The following RBP3 variants were observed in gnomAD, a reference collection of about 807,000 sequenced individuals.
RBP3 encodes retinol-binding protein 3.
A neutral mutation model predicts 64.8 loss-of-function variants in RBP3; 50 were observed. The observed-to-expected ratio is 0.77, with a 90% CI of 0.61 to 0.98. The LOEUF (loss-of-function observed/expected upper bound fraction) is 0.98, where lower values mean the gene tolerates loss of function less well. RBP3 is among the 50% of genes least tolerant of loss of function. The pLI is 0.00. For missense variants in RBP3, 1,712 were observed against 1,660.5 expected (o/e 1.03, Z -0.54); for synonymous variants, 828 against 730.2 (o/e 1.13, Z -2.16).
Position 47,348,748 on chromosome 10 carries a change from C to A in RBP3, c.264C>A (p.Val88=), listed in dbSNP as rs1836894429. The stretch of plus-strand genomic sequence containing the variant: ...GCTCCCTGAACGATCCTCGCCTGGT[C>A]ATCTCCTATGAGCCCAGCACCCCCG... The part of the protein sequence containing the change: ...VQSSLNDPRL[V]ISYEPSTPEP... The change falls in exon 1 of 4, where the codon GTC becomes GTA. Residue 88 remains valine, a synonymous_variant. Coordinates refer to ENST00000584701, the MANE Select transcript of RBP3 (RefSeq NM_002900.3). The A allele has an allele frequency of 6.2e-7, 1 of 1,613,534 alleles. No homozygotes were observed. The highest frequency in any genetic ancestry group is 8.5e-7 in the Non-Finnish European group (1 of 1,180,040).
In RBP3 at chr10:47,349,826, G is replaced by C. The variant is rs1322328055; in HGVS notation, c.1342G>C (p.Ala448Pro). Reference protein sequence around the residue: ...NVGYLRFDSFADASVLGVLAP... With the variant: ...NVGYLRFDSFPDASVLGVLAP... Reference sequence around the variant, plus strand: ...GGGCTACCTGCGCTTCGATAGTTTTGCTGACGCCTCCGTCCTGGGTGTGTT... The same window carrying C: ...GGGCTACCTGCGCTTCGATAGTTTTCCTGACGCCTCCGTCCTGGGTGTGTT... The change falls in exon 1 of 4, where the codon GCT (alanine) becomes CCT (proline). Residue 448 changes from alanine to proline, a missense_variant. Transcript: ENST00000584701. 1.9e-6 allele frequency: 3 copies of C among 1,613,136 alleles called. No individual in the cohort carries two copies. The highest frequency in any genetic ancestry group is 2.2e-5 in the South Asian group (2 of 91,092).
chr10:47,354,739 C>G, intron 2 of RBP3, among the ~76,000 whole-genome samples: 1 of 152,214 alleles, frequency 6.6e-6, no homozygotes, highest in East Asian at 1.9e-4. Context: ...GCCCCGAACC[C>G]AGCCAGGCCA....
In RBP3 at chr10:47,350,705, G is replaced by C. The variant is rs143110000; in HGVS notation, c.2221G>C (p.Gly741Arg). ...CCTGTTCAAGACAGAGGTGCTGCCC[G>C]GCCAGCTGGGCTACCTGCGTTTTGA... ...EALFKTEVLP[G>R]QLGYLRFDAM... The change falls in exon 1 of 4, where the codon GGC becomes CGC. Residue 741 changes from glycine to arginine, a missense_variant. Coordinates refer to ENST00000584701, the MANE Select transcript of RBP3 (RefSeq NM_002900.3). 3.4e-5 allele frequency: 55 copies of C among 1,613,058 alleles called. No homozygotes were observed. In the African/African-American group the frequency reaches 5.5e-4, roughly 16 times the overall value.
At chr10:47,353,177 C>A in intron 1 of RBP3, 148 bp from the exon 2 acceptor site, 2 of 710,162 alleles carry the variant, frequency 2.8e-6, no homozygotes. Flanking sequence ...TCCAGACATG[C>A]CACTGGGAAA....
rs1202037718 is a variant in RBP3, at chr10:47,357,344, G to T, written c.3631G>T (p.Val1211Leu). 7 of 1,614,008 alleles carry T rather than the reference G, an allele frequency of 4.3e-6. No individual in the cohort carries two copies. Among genetic ancestry groups the T allele is most frequent in the Admixed American group, 3.3e-5 (2 of 60,002 alleles). The change falls in exon 4 of 4, where the codon GTG (valine) becomes TTG (leucine). Residue 1211 changes from valine to leucine, a missense_variant. By Grantham distance (32) the Val-to-Leu change is conservative. Transcript: ENST00000584701. ...TGGCAGCTCCTGGGAAGGGGTGGGG[G>T]TGACACCCCATGTGGTTGTCCCTGC... ...SDGSSWEGVG[V>L]TPHVVVPAEE...
rs1410892562 is a variant in RBP3, at chr10:47,357,568, T to C, written c.*111T>C. On this transcript the variant is annotated 3_prime_UTR_variant, in exon 4 of 4. Coordinates refer to ENST00000584701, the MANE Select transcript of RBP3 (RefSeq NM_002900.3). ...GGTTCCCAGGAGCAGCAAAGGGGCC[T>C]GCTGAGCTCTGGTTAGGTTACAGCT... is the stretch of plus-strand genomic sequence containing the variant. 5.9e-6 allele frequency: 5 copies of C among 853,712 alleles called. No homozygotes were observed. Among genetic ancestry groups the C allele is most frequent in the African/African-American group, 5.1e-5 (3 of 59,164 alleles). The allele number at this position is 853,712 out of a possible 1,614,324, so 52.9% of individuals were successfully genotyped here.
In RBP3 at chr10:47,349,635, G is replaced by C. The variant is rs540247058; in HGVS notation, c.1151G>C (p.Arg384Thr). The C allele has an allele frequency of 6.2e-7, 1 of 1,612,554 alleles. No homozygotes were observed. The highest frequency in any genetic ancestry group is 8.5e-7 in the Non-Finnish European group (1 of 1,180,004). ...CTGCAGGCTGCGTCTGAGGATCCCAGGCTCCTGGTGCGAGCCATCGGGCCC... is the reference window on the plus strand; with the variant it reads ...CTGCAGGCTGCGTCTGAGGATCCCACGCTCCTGGTGCGAGCCATCGGGCCC... The part of the protein sequence containing the change: ...AGLQAASEDP[R>T]LLVRAIGPTE... The change falls in exon 1 of 4, where the codon AGG becomes ACG. Residue 384 changes from arginine (R) to threonine (T), a missense_variant. Transcript: ENST00000584701.
At chr10:47,355,663 G>A (rs1017679769) in intron 3 of RBP3, 145 bp downstream of exon 3, 13 of 1,051,932 alleles carry the variant, frequency 1.2e-5, no homozygotes, top group Middle Eastern at 5.0e-4. Context: ...GCATGATCTC[G>A]AATCCCTGAA....
At position 47,355,506 on chromosome 10, in the gene RBP3, G is replaced by A. The variant is rs144751738; in HGVS notation, c.3376G>A (p.Ala1126Thr). The change falls in exon 3 of 4, where the codon GCC (alanine) becomes ACC (threonine). Residue 1126 changes from alanine to threonine, a missense_variant. By Grantham distance (58) the Ala-to-Thr change is moderately conservative. Transcript: ENST00000584701. ...CTCTGTCAGTGAACTCTGGACACAC[G>A]CCCAGGTTGTAGGTACGTGGAGAAG... The part of the protein sequence containing the change: ...DDSVSELWTH[A>T]QVVGERYGSK... The A allele has an allele frequency of 3.3e-4, 531 of 1,614,044 alleles. No homozygotes were observed. Among genetic ancestry groups the A allele is most frequent in the Non-Finnish European group, 3.9e-4 (466 of 1,180,046 alleles).
rs976101975 is a variant in RBP3, at chr10:47,349,898, G to A, written c.1414G>A (p.Glu472Lys). ...RQVWEPLQDT[E>K]HLIMDLRHNP... ...GGTGTGGGAGCCGCTACAGGACACG[G>A]AGCACCTCATCATGGACCTGCGCCA... The change falls in exon 1 of 4, where the codon GAG (glutamate) becomes AAG (lysine). Residue 472 changes from glutamate to lysine, a missense_variant. Glu to Lys is a moderately conservative substitution (Grantham distance 56, BLOSUM62 1). Coordinates refer to ENST00000584701, the MANE Select transcript of RBP3 (RefSeq NM_002900.3). 6.2e-7 allele frequency: 1 copy of A among 1,613,154 alleles called. No individual in the cohort carries two copies. The highest frequency in any genetic ancestry group is 8.5e-7 in the Non-Finnish European group (1 of 1,179,966).
chr10:47,350,645 C>T lies in RBP3; in HGVS notation c.2161C>T (p.Pro721Ser). Residue 721 changes from proline to serine, a missense_variant, in exon 1 of 4, where the codon CCC becomes TCC. Coordinates refer to ENST00000584701, the MANE Select transcript of RBP3 (RefSeq NM_002900.3). ...EEAPPPPPAV[P>S]SPEELTYLIE... ...AGCACCCCCACCACCCCCTGCTGTC[C>T]CCTCTCCAGAGGAGCTCACCTACCT... 1 of 1,612,892 alleles carries T rather than the reference C, an allele frequency of 6.2e-7. No individual in the cohort carries two copies. The highest frequency in any genetic ancestry group is 1.3e-5 in the African/African-American group (1 of 75,034).
rs1836942284 is a variant in RBP3, at chr10:47,350,234, A to C, written c.1750A>C (p.Thr584Pro). 1 of 1,608,150 alleles carries C rather than the reference A, an allele frequency of 6.2e-7. No individual in the cohort carries two copies. Among genetic ancestry groups the C allele is most frequent in the Admixed American group, 1.7e-5 (1 of 59,990 alleles). ...CACCCGCACGGTGCCGCTGCTGGAC[A>C]CACCCGAAGGCAGCCTCGCGCTCAC... ...LHTRTVPLLD[T>P]PEGSLALTVP... The change falls in exon 1 of 4, where the codon ACA becomes CCA. Residue 584 changes from threonine (T) to proline (P), a missense_variant. By Grantham distance (38) the Thr-to-Pro change is conservative (BLOSUM62 -1). Transcript: ENST00000584701.
In RBP3 at chr10:47,350,125, G is replaced by T. The variant is rs534717081; in HGVS notation, c.1641G>T (p.Thr547=). The T allele has an allele frequency of 6.2e-7, 1 of 1,613,008 alleles. No individual in the cohort carries two copies. ...TGCTCACCAGCCACCGCACCGCCAC[G>T]GCCGCGGAGGAGTTCGCCTTCCTTA... The part of the protein sequence containing the change: ...VYLLTSHRTA[T]AAEEFAFLMQ... Residue 547 remains threonine, a synonymous_variant, in exon 1 of 4, where the codon ACG becomes ACT. Transcript: ENST00000584701.
rs1837033437 is a variant in RBP3 at position 47,355,467 on chromosome 10, A to G, written c.3337A>G (p.Ser1113Gly). ...GPPVLLDKIY[S>G]RPDDSVSELW... ...TCCAGTTCTGCTGGACAAGATCTAC[A>G]GCCGGCCTGATGACTCTGTCAGTGA... The change falls in exon 3 of 4, where the codon AGC becomes GGC. Residue 1113 changes from serine to glycine, a missense_variant. Transcript: ENST00000584701. 6.2e-7 allele frequency: 1 copy of G among 1,614,058 alleles called. No individual in the cohort carries two copies. The highest frequency in any genetic ancestry group is 1.3e-5 in the African/African-American group (1 of 74,934).
rs544729230 is a variant in RBP3, at chr10:47,350,930, G to T, written c.2446G>T (p.Ala816Ser). Residue 816 changes from alanine to serine, a missense_variant, in exon 1 of 4, where the codon GCC becomes TCC. Ala to Ser is a moderately conservative substitution (Grantham distance 99). Coordinates refer to ENST00000584701, the MANE Select transcript of RBP3 (RefSeq NM_002900.3). The stretch of plus-strand genomic sequence containing the variant: ...GCACCTGTATTCTGTCTTTGACAGG[G>T]CCACCTCAAAAGTCACGGAGGTGTG... Reference protein sequence around the residue: ...RQHLYSVFDRATSKVTEVWTL... With the variant: ...RQHLYSVFDRSTSKVTEVWTL... 2.9e-5 allele frequency: 47 copies of T among 1,613,016 alleles called. 1 individual carries two copies. In the East Asian group the frequency reaches 9.6e-4, roughly 33 times the overall value.
chr10:47,357,480 C>A lies in RBP3; in HGVS notation c.*23C>A. 1.3e-6 allele frequency: 2 copies of A among 1,582,468 alleles called. No individual in the cohort carries two copies. Among genetic ancestry groups the A allele is most frequent in the South Asian group, 2.3e-5 (2 of 87,348 alleles). On this transcript the variant is annotated 3_prime_UTR_variant, in exon 4 of 4. Transcript: ENST00000584701. ...TAGGGAAGGGCCCCATAGGCAGAGC[C>A]CCAGGGCAGACAGAACCTCTGGGAC...
chr10:47,357,199 C>T lies in RBP3; in HGVS notation c.3486C>T (p.Gly1162=). Residue 1162 remains glycine (G), a synonymous_variant, in exon 4 of 4, where the codon GGC becomes GGT. Transcript: ENST00000584701. The part of the protein sequence containing the change: ...EEFTYIMKRL[G]RALVIGEVTS... ...TCACCTATATCATGAAGAGGCTGGG[C>T]CGGGCCCTGGTCATTGGGGAGGTGA... is the stretch of plus-strand genomic sequence containing the variant. The T allele has an allele frequency of 6.2e-7, 1 of 1,613,968 alleles. No homozygotes were observed. Among genetic ancestry groups the T allele is most frequent in the South Asian group, 1.1e-5 (1 of 91,082 alleles).
chr10:47,353,229 G>C (rs1303529612), intron 1 of RBP3, 96 bp from the exon 2 acceptor site: 2 of 1,130,068 alleles, frequency 1.8e-6, no homozygotes, highest in African/African-American at 3.1e-5. Flanking sequence ...GTTAGTTCCT[G>C]TCCCATGCCC....
Position 47,351,753 on chromosome 10 carries a change from A to G in RBP3, c.3054+215A>G, listed in dbSNP as rs551223807. Among the ~76,000 whole-genome samples the G allele has an allele frequency of 1.8e-3, 276 of 152,322 alleles. 1 individual carries two copies. The highest frequency in any genetic ancestry group is 6.3e-3 in the African/African-American group (263 of 41,564). The stretch of plus-strand genomic sequence containing the variant: ...CTGAACACCTCTGTAGAACATTCAT[A>G]TTAGGTTGGTGCAAAAGTACTTTCA... On this transcript the variant is annotated intron_variant, in intron 1 of 3. Transcript: ENST00000584701.
Sources: gnomAD v4.1 joint callset for allele counts (sites outside exome capture counted in the v4.1 genomes callset) on GRCh38, gnomAD v4.1.1 for gene constraint, MANE v1.5 for transcripts, NCBI Gene and HGNC (gene_info 2026-07-23, HGNC 2026-07-21) for gene names.